RCBTB1: variants seen among roughly 807,000 people sequenced by gnomAD.
RCBTB1 encodes the protein RCC1 and BTB domain containing protein 1, also known as RCC1 and BTB domain-containing protein 1.
RCBTB1 carries 46 observed loss-of-function variants against 62.4 expected under a neutral mutation model. The observed-to-expected ratio is 0.74, with a 90% CI of 0.58 to 0.94. The LOEUF (loss-of-function observed/expected upper bound fraction) is 0.94. Among genes scored for constraint, RCBTB1 ranks in the 40% least tolerant of loss-of-function variants. RCBTB1 has a pLI of 0.00. For missense variants in RCBTB1, 565 were observed against 654.9 expected (o/e 0.86, Z 1.50); for synonymous variants, 222 against 245.8 (o/e 0.90, Z 0.91).
chr13:49,572,632 G>A (rs1040198715), intron 2 of RCBTB1, among the ~76,000 whole-genome samples: 1 of 151,672 alleles, frequency 6.6e-6, no homozygotes, highest in Non-Finnish European at 1.5e-5. Flanking sequence ...GCAAAACCCT[G>A]TCTCCACTAA....
chr13:49,569,894 G>A (rs1485387796), intron 2 of RCBTB1, among the ~76,000 whole-genome samples: 1 of 151,836 alleles, frequency 6.6e-6, no homozygotes, highest in Non-Finnish European at 1.5e-5. Context: ...GGTGACAGAG[G>A]GAGACCCTGT....
At chr13:49,551,262 T>TGCCACACACAGCCCC (rs1961312427) in intron 8 of RCBTB1, 64 bp downstream of exon 8, 4 of 1,574,700 alleles carry the variant, frequency 2.5e-6, no homozygotes, top group Non-Finnish European at 2.6e-6. Flanking sequence ...ACCACAGCTC[T>TGCCACACACAGCCCC]GCCACACACA....
intron 2 of RCBTB1, among the ~76,000 whole-genome samples, chr13:49,573,610 G>A (rs1594344899): frequency 6.6e-6 from 1 of 151,516 alleles, no homozygotes; most frequent in South Asian, 2.1e-4. Context: ...CATCACGCCC[G>A]GCTAATTTTG....
Position 49,566,642 on chromosome 13 carries a change from G to A in RCBTB1, c.253C>T (p.Pro85Ser), listed in dbSNP as rs764906412. 1 of 1,613,908 alleles carries A rather than the reference G, an allele frequency of 6.2e-7. No individual in the cohort carries two copies. The highest frequency in any genetic ancestry group is 2.2e-5 in the East Asian group (1 of 44,880). The stretch of plus-strand genomic sequence containing the variant: ...CCTTCGGTGCTGAGAAGAACATGTG[G>A]TCCACTCCCGTAACTGAGGCTTTTA... ...KIKSLSYGSGPHVLLSTEDGV... is the reference protein window; with the variant it reads ...KIKSLSYGSGSHVLLSTEDGV... Residue 85 changes from proline (P) to serine (S), a missense_variant, in exon 4 of 13, where the codon CCA (proline) becomes TCA (serine). Transcript: ENST00000378302.
chr13:49,574,415 G>A (rs574957659), intron 2 of RCBTB1, among the ~76,000 whole-genome samples: 80 of 152,178 alleles, frequency 5.3e-4, no homozygotes, highest in African/African-American at 1.8e-3. Context: ...CACCATGCTC[G>A]GCCAGTCCCA....
intron 4 of RCBTB1, among the ~76,000 whole-genome samples, chr13:49,564,668 G>A (rs1962770852): frequency 6.7e-6 from 1 of 150,238 alleles, no homozygotes; most frequent in African/African-American, 2.4e-5. Flanking sequence ...GAGGTGGGCG[G>A]ATCACGAGGT....
At chr13:49,574,370 C>T (rs1284419844) in intron 2 of RCBTB1, among the ~76,000 whole-genome samples, 1 of 149,974 alleles carries the variant, frequency 6.7e-6, no homozygotes, top group South Asian at 2.1e-4. Context: ...CTGCCCACCT[C>T]AGCCTCCCAA....
intron 4 of RCBTB1, among the ~76,000 whole-genome samples, chr13:49,560,306 TAGAA>T (rs141927350): frequency 0.03 from 4,551 of 152,252 alleles, 85 homozygotes; most frequent in South Asian, 0.045. Context: ...GGTAATAACA[TAGAA>T]AGATCAGTTT....
At chr13:49,581,209 T>C (rs890513270) in intron 1 of RCBTB1, among the ~76,000 whole-genome samples, 5 of 143,294 alleles carry the variant, frequency 3.5e-5, no homozygotes, top group African/African-American at 1.0e-4. Flanking sequence ...GACAAAGGAG[T>C]GCTTAGAGGA....
chr13:49,556,653 T>C (rs751936539), intron 5 of RCBTB1, among the ~76,000 whole-genome samples: 5 of 152,114 alleles, frequency 3.3e-5, no homozygotes, highest in Non-Finnish European at 7.4e-5. Context: ...ATATACTGAG[T>C]GTGGCTTCCA....
chr13:49,572,891 T>C (rs1000496911), intron 2 of RCBTB1, among the ~76,000 whole-genome samples: 2 of 152,348 alleles, frequency 1.3e-5, no homozygotes, highest in East Asian at 3.9e-4. Flanking sequence ...ATTTGTGTTC[T>C]ATTCCTGTAT....
intron 6 of RCBTB1, among the ~76,000 whole-genome samples, chr13:49,554,755 G>A (rs1384631950): frequency 6.6e-6 from 1 of 152,196 alleles, no homozygotes; most frequent in Non-Finnish European, 1.5e-5. Context: ...AGGTGGAACA[G>A]TTTCATCCCA....
chr13:49,571,157 A>G (rs1218651698), intron 2 of RCBTB1, among the ~76,000 whole-genome samples: 1 of 152,020 alleles, frequency 6.6e-6, no homozygotes, highest in East Asian at 1.9e-4. Flanking sequence ...GACCAGCCTG[A>G]CCAACATGGA....
chr13:49,554,236 T>TGC (rs1961650844), intron 6 of RCBTB1, among the ~76,000 whole-genome samples: 1 of 152,188 alleles, frequency 6.6e-6, no homozygotes, highest in Non-Finnish European at 1.5e-5. Flanking sequence ...CAAAAAGATA[T>TGC]GCATGAAACT....
Position 49,556,641 on chromosome 13 carries a change from G to A in RCBTB1, c.445-968C>T, listed in dbSNP as rs535860793. Among the ~76,000 whole-genome samples the A allele has an allele frequency of 2.6e-5, 4 of 152,256 alleles. No individual in the cohort carries two copies. In the East Asian group the frequency reaches 7.7e-4, roughly 29 times the overall value. ...CACGTGGCTGCAGGAGGTGGTCCAC[G>A]TATATACTGAGTGTGGCTTCCATGA... On this transcript the variant is annotated intron_variant, in intron 5 of 12. Coordinates refer to ENST00000378302, the MANE Select transcript of RCBTB1 (RefSeq NM_018191.4).
At chr13:49,534,725 A>G (rs1378088096) in intron 12 of RCBTB1, among the ~76,000 whole-genome samples, 6 of 152,242 alleles carry the variant, frequency 3.9e-5, no homozygotes, top group African/African-American at 7.2e-5. Context: ...TGGTCAACCT[A>G]AAGTGGCACA....
chr13:49,552,769 G>C (rs8001878), intron 6 of RCBTB1, among the ~76,000 whole-genome samples: 37,061 of 151,646 alleles, frequency 0.24, 5,852 homozygotes, highest in African/African-American at 0.44. Context: ...GATTGGAGCA[G>C]AGCTGAAGGA....
chr13:49,558,709 AAAAAAAAAT>A (rs1239489628), intron 5 of RCBTB1, among the ~76,000 whole-genome samples: 82 of 151,924 alleles, frequency 5.4e-4, no homozygotes, highest in African/African-American at 1.9e-3. Flanking sequence ...AAAAAAAAAA[AAAAAAAAAT>A]TCACAAAGTA....
chr13:49,565,104 C>T (rs1334694754), intron 4 of RCBTB1, among the ~76,000 whole-genome samples: 2 of 152,172 alleles, frequency 1.3e-5, no homozygotes, highest in African/African-American at 4.8e-5. Flanking sequence ...CGGCTCACTG[C>T]AACCTCCCTG....
Sources: gnomAD v4.1 joint callset for allele counts (sites outside exome capture counted in the v4.1 genomes callset) on GRCh38, gnomAD v4.1.1 for gene constraint, MANE v1.5 for transcripts, NCBI Gene and HGNC (gene_info 2026-07-23, HGNC 2026-07-21) for gene names.